The following NOTCH3 variants were observed in gnomAD, a reference collection of about 807,000 sequenced individuals.
NOTCH3 encodes the protein neurogenic locus notch homolog protein 3.
Under a neutral mutation model 213.3 loss-of-function variants are expected in NOTCH3, and 86 were observed. That is an observed-to-expected ratio of 0.40 (90% CI 0.34 to 0.48). The LOEUF (loss-of-function observed/expected upper bound fraction) is 0.48. Among genes scored for constraint, NOTCH3 ranks in the 20% least tolerant of loss-of-function variants. The pLI is 0.57. For missense variants in NOTCH3, 2,783 were observed against 3,272.6 expected (o/e 0.85, Z 3.65); for synonymous variants, 1,354 against 1,355.9 (o/e 1.00, Z 0.03).
chr19:15,198,825 C>T (rs1599401863), intron 1 of NOTCH3, among the ~76,000 whole-genome samples: 2 of 152,046 alleles, frequency 1.3e-5, no homozygotes, highest in East Asian at 1.9e-4. Flanking sequence ...GCAGGAGAAT[C>T]GCTTGAACCT....
rs757981410 is a variant in NOTCH3, at chr19:15,174,098, G to A, written c.4706C>T (p.Ala1569Val). The change falls in exon 25 of 33, where the codon GCC (alanine) becomes GTC (valine). Residue 1569 changes from alanine to valine, a missense_variant. Coordinates refer to ENST00000263388, the MANE Select transcript of NOTCH3 (RefSeq NM_000435.3). ...HRPSPGSEPR[A>V]RRELAPEVIG... ...CACCTCGGGGGCCAGCTCCCGACGG[G>A]CCCGGGGTTCGGAGCCAGGACTAGG... 3 of 1,592,056 alleles carry A rather than the reference G, an allele frequency of 1.9e-6. No homozygotes were observed. Among genetic ancestry groups the A allele is most frequent in the Non-Finnish European group, 2.6e-6 (3 of 1,165,302 alleles).
chr19:15,192,313 A>C lies in NOTCH3; in HGVS notation c.341-15T>G. 2.5e-6 allele frequency: 4 copies of C among 1,610,840 alleles called. No individual in the cohort carries two copies. Among genetic ancestry groups the C allele is most frequent in the Non-Finnish European group, 3.4e-6 (4 of 1,179,166 alleles). Reference sequence around the variant, plus strand: ...GCAGTCAGGGCCTGGAGGGACCAGGACAGGGTGAGTTTAGGACTGACCACA... The same window carrying C: ...GCAGTCAGGGCCTGGAGGGACCAGGCCAGGGTGAGTTTAGGACTGACCACA... On this transcript the variant is annotated splice_polypyrimidine_tract_variant and intron_variant, in intron 3 of 32. Coordinates refer to ENST00000263388, the MANE Select transcript of NOTCH3 (RefSeq NM_000435.3).
chr19:15,164,604 ACTT>A (rs892696022), intron 31 of NOTCH3, among the ~76,000 whole-genome samples: 11 of 151,960 alleles, frequency 7.2e-5, no homozygotes, highest in African/African-American at 2.4e-4. Flanking sequence ...TAAAACATTT[ACTT>A]CTTCATTTGC....
At chr19:15,168,211 C>G (rs531217201) in intron 28 of NOTCH3, among the ~76,000 whole-genome samples, 11 of 152,270 alleles carry the variant, frequency 7.2e-5, no homozygotes, top group African/African-American at 2.4e-4. Flanking sequence ...ATCAGGATGA[C>G]GCAGCCATTC....
At chr19:15,169,691 C>A (rs1178652482) in intron 28 of NOTCH3, among the ~76,000 whole-genome samples, 1 of 152,170 alleles carries the variant, frequency 6.6e-6, no homozygotes, top group African/African-American at 2.4e-5. Context: ...AGCTCAGAAC[C>A]GGCTCAGAGC....
chr19:15,184,837 G>A, intron 15 of NOTCH3, 69 bp downstream of exon 15: 1 of 919,228 alleles, frequency 1.1e-6, no homozygotes, highest in Non-Finnish European at 1.7e-6. Context: ...TGGATCCCCA[G>A]CATCATCCCT....
chr19:15,163,183 G>A (rs1188728328), intron 31 of NOTCH3, among the ~76,000 whole-genome samples: 1 of 152,148 alleles, frequency 6.6e-6, no homozygotes, highest in East Asian at 1.9e-4. Context: ...GGGATTACAG[G>A]CATGAGCCAC....
rs763709178 is a variant in NOTCH3 at position 15,191,617 on chromosome 19, C to T, written c.843G>A (p.Gln281=). 6.2e-7 allele frequency: 1 copy of T among 1,613,298 alleles called. No homozygotes were observed. The highest frequency in any genetic ancestry group is 8.5e-7 in the Non-Finnish European group (1 of 1,180,002). The change falls in exon 6 of 33, where the codon CAG becomes CAA. Residue 281 remains glutamine (Q), a synonymous_variant. Coordinates refer to ENST00000263388, the MANE Select transcript of NOTCH3 (RefSeq NM_000435.3). ...TACCCCCATTGTGGCAGGCGTTGGG[C>T]TGCAGCTGACACTCATCCACGTCCT... is the stretch of plus-strand genomic sequence containing the variant. ...CTEDVDECQL[Q]PNACHNGGTC... is the part of the protein sequence containing the mutation.
chr19:15,173,090 T>C lies in NOTCH3; in HGVS notation c.4736+978A>G, dbSNP rs150741218. Among the ~76,000 whole-genome samples, 6 of 35,746 alleles carry C rather than the reference T, an allele frequency of 1.7e-4. 1 individual carries two copies. Among genetic ancestry groups the C allele is most frequent in the South Asian group, 1.2e-3 (1 of 838 alleles). 23.5% of individuals were successfully genotyped at this position (35,746 alleles called of 152,430 possible). On this transcript the variant is annotated intron_variant, in intron 25 of 32. Coordinates refer to ENST00000263388, the MANE Select transcript of NOTCH3 (RefSeq NM_000435.3). ...CTTCTTCTTCTTCTTCTTCTTCTTCTTCTTCTTCTTCTTCTTTTTTTTTTT... is the reference window on the plus strand; with the variant it reads ...CTTCTTCTTCTTCTTCTTCTTCTTCCTCTTCTTCTTCTTCTTTTTTTTTTT...
rs919727808 is a variant in NOTCH3 at position 15,185,727 on chromosome 19, CA to C, written c.1952-49del. 4 of 1,599,252 alleles carry C rather than the reference CA, an allele frequency of 2.5e-6. No individual in the cohort carries two copies. In the African/African-American group the frequency reaches 4.0e-5, roughly 16 times the overall value. On this transcript the variant is annotated intron_variant, in intron 12 of 32. Coordinates refer to ENST00000263388, the MANE Select transcript of NOTCH3 (RefSeq NM_000435.3). This position sits in a 1 kb window ranked among gnomAD's most constrained non-coding sequence, Gnocchi z 4.2. ...CATCTCAGAACAAAGTCAGCAGGGACAACCAGGGAGGGACGACGTGACCCCA... is the reference window on the plus strand; with the variant it reads ...CATCTCAGAACAAAGTCAGCAGGGACACCAGGGAGGGACGACGTGACCCCA...
At chr19:15,178,277 A>G in intron 23 of NOTCH3, 187 bp from the exon 24 acceptor site, 1 of 540,954 alleles carries the variant, frequency 1.8e-6, no homozygotes, top group Non-Finnish European at 3.3e-6. Context: ...TCCCCTTTCC[A>G]CACTGGAGAC....
chr19:15,199,142 CAT>C (rs1485907355), intron 1 of NOTCH3, among the ~76,000 whole-genome samples: 4 of 152,226 alleles, frequency 2.6e-5, no homozygotes, highest in African/African-American at 4.8e-5. Flanking sequence ...ATGTGAGCCA[CAT>C]GTGTGTGCGT....
chr19:15,181,185 G>C, intron 17 of NOTCH3, 23 bp from the exon 18 acceptor site: 1 of 1,601,598 alleles, frequency 6.2e-7, no homozygotes, highest in Non-Finnish European at 8.5e-7. Context: ...GAGTGGGAGG[G>C]AGGATCAGGC....
intron 11 of NOTCH3, 29 bp downstream of exon 11, chr19:15,187,076 G>A (rs2145432662): frequency 1.2e-6 from 2 of 1,608,048 alleles, no homozygotes; most frequent in Non-Finnish European, 1.7e-6. Flanking sequence ...CTCCAGGTGT[G>A]CTGTTTCTGC....
At chr19:15,195,599 C>A (rs2145448396) in intron 2 of NOTCH3, among the ~76,000 whole-genome samples, 1 of 152,040 alleles carries the variant, frequency 6.6e-6, no homozygotes, top group East Asian at 2.0e-4. Context: ...CGGCCCCCAG[C>A]GAAACAGGTC....
In NOTCH3 at chr19:15,167,233, G is replaced by T. The variant is rs1369626927; in HGVS notation, c.5362+16C>A. ...TGGGTGAGGGGCATCCCTTTGGGAG[G>T]GGCACTGTCACTAACCTGGGCCACG... On this transcript the variant is annotated intron_variant, in intron 29 of 32. Coordinates refer to ENST00000263388, the MANE Select transcript of NOTCH3 (RefSeq NM_000435.3). The T allele has an allele frequency of 6.2e-7, 1 of 1,606,968 alleles. No homozygotes were observed. Among genetic ancestry groups the T allele is most frequent in the Non-Finnish European group, 8.5e-7 (1 of 1,174,538 alleles).
intron 25 of NOTCH3, among the ~76,000 whole-genome samples, chr19:15,172,737 C>T (rs1420515546): frequency 6.6e-6 from 1 of 150,508 alleles, no homozygotes; most frequent in African/African-American, 2.5e-5. Flanking sequence ...ACAATCTTGG[C>T]TCACTGCAAC....
intron 1 of NOTCH3, among the ~76,000 whole-genome samples, chr19:15,200,116 G>A (rs1249032159): frequency 1.3e-5 from 2 of 151,216 alleles, no homozygotes. Context: ...TGGAGCCGAA[G>A]GGGAGCACGT....
chr19:15,187,982 G>A lies in NOTCH3; in HGVS notation c.1505C>T (p.Ser502Phe), dbSNP rs778571943. 9.3e-5 allele frequency: 145 copies of A among 1,551,050 alleles called. No individual in the cohort carries two copies. The highest frequency in any genetic ancestry group is 1.2e-4 in the Non-Finnish European group (138 of 1,146,974). ...SCTCPSGFSGSTCQLDVDECA... is the reference protein window; with the variant it reads ...SCTCPSGFSGFTCQLDVDECA... Reference sequence around the variant, plus strand: ...TTCGTCCACGTCCAGCTGACACGTGGAGCCGCTGAAGCCTGGGGTGGGGAG... The same window carrying A: ...TTCGTCCACGTCCAGCTGACACGTGAAGCCGCTGAAGCCTGGGGTGGGGAG... The change falls in exon 10 of 33, where the codon TCC becomes TTC. Residue 502 changes from serine (S) to phenylalanine (F), a missense_variant. Ser to Phe is a radical substitution (Grantham distance 155). Around this residue, in one of 6 missense-constraint regions of NOTCH3, gnomAD observed 708 missense variants for 906.6 expected, o/e 0.78. Transcript: ENST00000263388.
Sources: allele counts gnomAD v4.1 joint callset (sites outside exome capture counted in the v4.1 genomes callset), GRCh38; gene constraint gnomAD v4.1.1; regional missense constraint gnomAD v4.1.1; non-coding constraint Gnocchi (gnomAD v3.1); transcripts MANE v1.5; gene names NCBI Gene and HGNC (gene_info 2026-07-23, HGNC 2026-07-21).